Variants in ENTREP2 observed in about 807,000 individuals in gnomAD.
ENTREP2 encodes the protein protein ENTREP2.
the ENTREP2 span, among the ~76,000 whole-genome samples, chr15:29,454,465 T>G: frequency 2.0e-5 from 3 of 152,284 alleles, no homozygotes; most frequent in South Asian, 4.1e-4. Flanking sequence ...GCAAGTAGAG[T>G]GTCATGGCCC....
At chr15:29,509,582 G>T in the ENTREP2 span, among the ~76,000 whole-genome samples, 4 of 152,028 alleles carry the variant, frequency 2.6e-5, no homozygotes, top group Non-Finnish European at 5.9e-5. Flanking sequence ...CAGAACAGAG[G>T]CCTCAGAAAT....
At chr15:29,194,970 C>T in the ENTREP2 span, 3 of 224,004 alleles carry the variant, frequency 1.3e-5, no homozygotes, top group Non-Finnish European at 2.2e-5. Context: ...AGAATGAGAT[C>T]GCAGAGTGAG....
the ENTREP2 span, among the ~76,000 whole-genome samples, chr15:29,413,578 C>T: frequency 2.0e-5 from 3 of 152,166 alleles, no homozygotes; most frequent in African/African-American, 7.2e-5. Context: ...AACAACTACA[C>T]AAAAATCTAC....
the ENTREP2 span, among the ~76,000 whole-genome samples, chr15:29,497,147 TATGCAATG>T: frequency 1.3e-5 from 2 of 152,294 alleles, no homozygotes; most frequent in South Asian, 4.1e-4. Context: ...TGCCTTCTGC[TATGCAATG>T]ACATAGCAAG....
At chr15:29,478,362 A>G in the ENTREP2 span, among the ~76,000 whole-genome samples, 1 of 152,152 alleles carries the variant, frequency 6.6e-6, no homozygotes, top group Non-Finnish European at 1.5e-5. Context: ...TACATTAAAA[A>G]TATTATCCTT....
At chr15:29,360,861 T>C in the ENTREP2 span, among the ~76,000 whole-genome samples, 3 of 152,192 alleles carry the variant, frequency 2.0e-5, no homozygotes, top group Non-Finnish European at 4.4e-5. Context: ...AGCTATTCCC[T>C]GGACAGGCTG....
the ENTREP2 span, among the ~76,000 whole-genome samples, chr15:29,138,413 C>A: frequency 6.6e-6 from 1 of 152,174 alleles, no homozygotes; most frequent in South Asian, 2.1e-4. Context: ...CCAGTCAATG[C>A]CGCCCTATGA....
chr15:29,135,750 C>T, the ENTREP2 span, among the ~76,000 whole-genome samples: 11 of 152,322 alleles, frequency 7.2e-5, no homozygotes, highest in Admixed American at 6.5e-4. The surrounding 1 kb of genome is among the most constrained non-coding windows in gnomAD (Gnocchi z 7.4). Flanking sequence ...CCTGGCATGC[C>T]CAGCTCAGAG....
chr15:29,436,473 C>T, the ENTREP2 span, among the ~76,000 whole-genome samples: 1 of 152,094 alleles, frequency 6.6e-6, no homozygotes, highest in African/African-American at 2.4e-5. Context: ...ATAAAACAGA[C>T]AAAAGTGGTG....
At chr15:29,650,292 C>T in the ENTREP2 span, among the ~76,000 whole-genome samples, 1 of 152,146 alleles carries the variant, frequency 6.6e-6, no homozygotes, top group East Asian at 1.9e-4. Context: ...TGAGGTGTTA[C>T]TACTTCGTCA....
chr15:29,638,904 C>CA, the ENTREP2 span, among the ~76,000 whole-genome samples: 1 of 152,160 alleles, frequency 6.6e-6, no homozygotes, highest in Non-Finnish European at 1.5e-5. Flanking sequence ...GCCCTCAGCT[C>CA]AAAGGGCTGA....
chr15:29,220,496 C>A, the ENTREP2 span, among the ~76,000 whole-genome samples: 2 of 152,158 alleles, frequency 1.3e-5, no homozygotes, highest in Non-Finnish European at 2.9e-5. Context: ...AACACAGCCA[C>A]GTGGCACAGG....
At chr15:29,269,084 A>G in the ENTREP2 span, 1 of 1,614,164 alleles carries the variant, frequency 6.2e-7, no homozygotes, top group Non-Finnish European at 8.5e-7. Context: ...TTGGTGGGGT[A>G]GACCCCTAAG....
At chr15:29,666,530 A>G in the ENTREP2 span, among the ~76,000 whole-genome samples, 2 of 151,926 alleles carry the variant, frequency 1.3e-5, no homozygotes, top group Admixed American at 6.6e-5. Context: ...AAGCTAGACT[A>G]TTTTGATCAT....
chr15:29,202,748 T>C, the ENTREP2 span, among the ~76,000 whole-genome samples: 1 of 152,188 alleles, frequency 6.6e-6, no homozygotes, highest in Non-Finnish European at 1.5e-5. Flanking sequence ...TGGTTTTCTG[T>C]TCCTGTGTTA....
chr15:29,163,094 C>T, the ENTREP2 span, among the ~76,000 whole-genome samples: 1 of 152,160 alleles, frequency 6.6e-6, no homozygotes, highest in Non-Finnish European at 1.5e-5. Flanking sequence ...AGGAAGCCAC[C>T]TCCATAGGAA....
chr15:29,628,438 T>TTTC, the ENTREP2 span, among the ~76,000 whole-genome samples: 20 of 152,356 alleles, frequency 1.3e-4, no homozygotes, highest in African/African-American at 4.6e-4. Context: ...TGATCCAGGT[T>TTTC]TTCATCTATC....
chr15:29,383,028 C>A, the ENTREP2 span, among the ~76,000 whole-genome samples: 1 of 152,078 alleles, frequency 6.6e-6, no homozygotes, highest in Non-Finnish European at 1.5e-5. Flanking sequence ...CCAGGGGCCG[C>A]TCTCCTCCAC....
chr15:29,574,708 ACCACATGCTTGTTTCAGATT>A, the ENTREP2 span, among the ~76,000 whole-genome samples: 1 of 152,186 alleles, frequency 6.6e-6, no homozygotes, highest in Admixed American at 6.5e-5. Flanking sequence ...TGCCTCAGTC[ACCACATGCTTGTTTCAGATT>A]CCTGCTCTTT....
Sources: gnomAD v4.1 joint callset for allele counts (sites outside exome capture counted in the v4.1 genomes callset) on GRCh38, gnomAD v4.1.1 for gene constraint, Gnocchi (gnomAD v3.1) non-coding constraint, MANE v1.5 for transcripts, NCBI Gene and HGNC (gene_info 2026-07-23, HGNC 2026-07-21) for gene names.